HJURP: variants seen among roughly 807,000 people sequenced by gnomAD.
HJURP encodes the protein 14-3-3-associated AKT substrate.
In HJURP, 49 loss-of-function variants were observed where a neutral mutation model predicts 72.0. That is an observed-to-expected ratio of 0.68 (90% CI 0.54 to 0.86). The LOEUF (loss-of-function observed/expected upper bound fraction) is 0.86, where lower values mean the gene tolerates loss of function less well. HJURP is among the 40% of genes least tolerant of loss of function. The probability of loss-of-function intolerance (pLI) is 0.00; values close to 1 mark genes in which losing one functional copy is unlikely to be tolerated. For synonymous variants in HJURP, 357 were observed against 347.1 expected, an observed-to-expected ratio of 1.03 and a Z score of -0.32; for missense variants, 908 against 936.3, an observed-to-expected ratio of 0.97 and a Z score of 0.39.
chr2:233,841,773 G>A lies in HJURP; in HGVS notation c.1007C>T (p.Ala336Val). Reference protein sequence around the residue: ...PCSEPVKGTGALRDCKNVLDV... With the variant: ...PCSEPVKGTGVLRDCKNVLDV... ...TAATACGTTCTTGCAATCTCTTAAT[G>A]CCCCTGTCCCTTTCACAGGCTCAGA... The change falls in exon 8 of 9, where the codon GCA (alanine) becomes GTA (valine). Residue 336 changes from alanine to valine, a missense_variant. Coordinates refer to ENST00000411486, the MANE Select transcript of HJURP (RefSeq NM_018410.5). 2 of 1,614,064 alleles carry A rather than the reference G, an allele frequency of 1.2e-6. No homozygotes were observed. Among genetic ancestry groups the A allele is most frequent in the Non-Finnish European group, 1.7e-6 (2 of 1,179,974 alleles).
chr2:233,845,470 G>A (rs1705339299), intron 6 of HJURP, among the ~76,000 whole-genome samples: 1 of 151,708 alleles, frequency 6.6e-6, no homozygotes, highest in Non-Finnish European at 1.5e-5. Context: ...AGATTTTTCT[G>A]TGAGTTGCCC....
At position 233,841,260 on chromosome 2, in the gene HJURP, C is replaced by A. The variant is rs938471185; in HGVS notation, c.1520G>T (p.Arg507Ile). The A allele has an allele frequency of 6.2e-7, 1 of 1,614,060 alleles. No individual in the cohort carries two copies. The highest frequency in any genetic ancestry group is 1.6e-4 in the Middle Eastern group (1 of 6,062). ...CAGGCACCTACCTGCTTCCAGAGAT[C>A]TTTTGCCTAGGTTTTCAAAAGCCTC... ...LSEAFENLGK[R>I]SLEAGRCLPK... Residue 507 changes from arginine (R) to isoleucine (I), a missense_variant, in exon 8 of 9, where the codon AGA becomes ATA. This residue lies in a region of HJURP where 598 missense variants were observed against 619.5 expected (regional missense o/e 0.97). Coordinates refer to ENST00000411486, the MANE Select transcript of HJURP (RefSeq NM_018410.5).
intron 8 of HJURP, among the ~76,000 whole-genome samples, chr2:233,840,318 A>C (rs945930515): frequency 2.0e-5 from 3 of 152,224 alleles, no homozygotes; most frequent in Admixed American, 6.5e-5. Flanking sequence ...GTAGTAAGTG[A>C]GGATTTGCAG....
intron 5 of HJURP, 125 bp downstream of exon 5, chr2:233,847,272 G>T: frequency 2.8e-6 from 2 of 723,506 alleles, no homozygotes; most frequent in Non-Finnish European, 4.9e-6. Flanking sequence ...GCAAAAGCCA[G>T]CCTCAGGAGA....
At position 233,840,606 on chromosome 2, in the gene HJURP, T is replaced by G. The variant is rs201066290; in HGVS notation, c.2171+3A>C. 4.8e-5 allele frequency: 75 copies of G among 1,575,188 alleles called. No homozygotes were observed. The East Asian group carries it at 1.4e-3, about 30-fold the overall frequency. ...CACATTCAACCAACAGAAACACACC[T>G]ACCTCTCTTCTGAGTTGGGCTGTGA... On this transcript the variant is annotated splice_donor_region_variant and intron_variant, in intron 8 of 8. Transcript: ENST00000411486.
Position 233,841,630 on chromosome 2 carries a change from ACT to A in HJURP, c.1148_1149del (p.Lys383IlefsTer14). The A allele has an allele frequency of 6.2e-7, 1 of 1,614,242 alleles. No individual in the cohort carries two copies. Among genetic ancestry groups the A allele is most frequent in the South Asian group, 1.1e-5 (1 of 91,084 alleles). The part of the protein sequence containing the change: ...SWKERKVTPS[K>X]YSSLIYFDSS... ...GAGTCGAAGTAAATCAAGGAAGAATACTTCGAGGGTGTCACTTTGCGCTCCTT... is the reference window on the plus strand; with the variant it reads ...GAGTCGAAGTAAATCAAGGAAGAATATCGAGGGTGTCACTTTGCGCTCCTT... On this transcript the variant is annotated frameshift_variant, in exon 8 of 9. Coordinates refer to ENST00000411486, the MANE Select transcript of HJURP (RefSeq NM_018410.5). LOFTEE classifies it high-confidence loss of function.
Position 233,842,018 on chromosome 2 carries a change from G to A in HJURP, c.762C>T (p.Asp254=). ...GGTCACTGATGGTCACATTGCAAAT[G>A]TCATCATCTTCAAAGGGCTGGCTGC... ...FLSSQPFEDD[D]ICNVTISDLY... Residue 254 remains aspartate (D), a synonymous_variant, in exon 8 of 9, where the codon GAC becomes GAT. Transcript: ENST00000411486. The A allele has an allele frequency of 6.2e-7, 1 of 1,614,210 alleles. No homozygotes were observed. The highest frequency in any genetic ancestry group is 2.2e-5 in the East Asian group (1 of 44,890).
At chr2:233,852,727 TATTAAAACCA>T in intron 2 of HJURP, 107 bp from the exon 3 acceptor site, 1 of 781,594 alleles carries the variant, frequency 1.3e-6, no homozygotes, top group Non-Finnish European at 2.1e-6. Context: ...AAAGGTACAA[TATTAAAACCA>T]AGCCAGGTTT....
chr2:233,853,496 C>A (rs1014017567), intron 2 of HJURP, among the ~76,000 whole-genome samples: 1 of 152,190 alleles, frequency 6.6e-6, no homozygotes, highest in Non-Finnish European at 1.5e-5. Flanking sequence ...GTGACTGTTA[C>A]AACACCCACG....
chr2:233,845,986 T>A, intron 5 of HJURP, 166 bp from the exon 6 acceptor site: 2 of 559,288 alleles, frequency 3.6e-6, no homozygotes, highest in Non-Finnish European at 6.4e-6. Flanking sequence ...TTTCACTTCC[T>A]GCTATGTTAA....
At chr2:233,853,984 C>T in intron 1 of HJURP, 74 bp from the exon 2 acceptor site, 2 of 1,399,352 alleles carry the variant, frequency 1.4e-6, no homozygotes, top group Non-Finnish European at 2.0e-6. Flanking sequence ...GAGGCGGCGC[C>T]AGCCCGTGAG....
intron 3 of HJURP, among the ~76,000 whole-genome samples, chr2:233,851,204 C>T (rs1705487683): frequency 6.6e-6 from 1 of 152,162 alleles, no homozygotes; most frequent in Non-Finnish European, 1.5e-5. Context: ...CTGTATTATG[C>T]ATAATTCAAA....
rs113191629 is a variant in HJURP at position 233,838,760 on chromosome 2, C to T, written c.2172-1108G>A. On this transcript the variant is annotated intron_variant, in intron 8 of 8. Transcript: ENST00000411486. ...TTGAGAGGTCATCTGTTAAACAGAA[C>T]GCATAAACTTTGCCTCAAAGCAGCC... is the stretch of plus-strand genomic sequence containing the variant. Among the ~76,000 whole-genome samples, 1,004 of 152,292 alleles carry T rather than the reference C, an allele frequency of 6.6e-3. 5 individuals carry two copies. Among genetic ancestry groups the T allele is most frequent in the African/African-American group, 0.021 (872 of 41,558 alleles).
chr2:233,852,712 A>C, intron 2 of HJURP, 92 bp from the exon 3 acceptor site: 2 of 800,698 alleles, frequency 2.5e-6, no homozygotes, highest in South Asian at 1.6e-5. Flanking sequence ...AGTGACAGGC[A>C]AAAAAAAGGT....
intron 8 of HJURP, among the ~76,000 whole-genome samples, chr2:233,840,213 T>C (rs1705186356): frequency 6.6e-6 from 1 of 152,220 alleles, no homozygotes; most frequent in Admixed American, 6.5e-5. Context: ...AAATAGGAAG[T>C]CATTCGCTTT....
intron 3 of HJURP, among the ~76,000 whole-genome samples, chr2:233,851,199 T>C (rs1215192536): frequency 6.6e-6 from 1 of 152,216 alleles, no homozygotes; most frequent in Non-Finnish European, 1.5e-5. Flanking sequence ...GACATCTGTA[T>C]TATGCATAAT....
intron 2 of HJURP, among the ~76,000 whole-genome samples, chr2:233,853,587 C>A (rs1705546579): frequency 6.6e-6 from 1 of 152,214 alleles, no homozygotes; most frequent in African/African-American, 2.4e-5. Context: ...AACTGCCCCA[C>A]GCTGCCATGG....
intron 7 of HJURP, among the ~76,000 whole-genome samples, chr2:233,843,616 C>T (rs984950613): frequency 1.3e-5 from 2 of 152,104 alleles, no homozygotes; most frequent in African/African-American, 4.8e-5. Flanking sequence ...GCCAAGGAGC[C>T]GCTCTTGATG....
rs1705296860 is a variant in HJURP at position 233,844,094 on chromosome 2, C to A, written c.574+111G>T. The A allele has an allele frequency of 1.8e-5, 13 of 736,034 alleles. No individual in the cohort carries two copies. In the East Asian group the frequency reaches 3.1e-4, roughly 17 times the overall value. The allele number at this position is 736,034 out of a possible 1,614,324, so 45.6% of individuals were successfully genotyped here. ...TCTCTAACAAGTTATGTTGATGAAACACACCAGGAAATGATGGCGTGGCCA... is the reference window on the plus strand; with the variant it reads ...TCTCTAACAAGTTATGTTGATGAAAAACACCAGGAAATGATGGCGTGGCCA... On this transcript the variant is annotated intron_variant, in intron 7 of 8. Transcript: ENST00000411486.
Sources: gnomAD v4.1 joint callset for allele counts (sites outside exome capture counted in the v4.1 genomes callset) on GRCh38, gnomAD v4.1.1 for gene constraint, gnomAD v4.1.1 regional missense constraint, MANE v1.5 for transcripts, NCBI Gene and HGNC (gene_info 2026-07-23, HGNC 2026-07-21) for gene names.